The following ARHGAP32 variants were observed in gnomAD, a reference collection of about 807,000 sequenced individuals.
ARHGAP32 encodes rho GTPase-activating protein 32.
ARHGAP32 carries 51 observed loss-of-function variants against 186.5 expected under a neutral mutation model. That is an observed-to-expected ratio of 0.27 (90% CI 0.22 to 0.35). The LOEUF is 0.35. Ranked by LOEUF, ARHGAP32 falls within the 10% of genes least tolerant of loss-of-function variation. The pLI is 1.00. For missense variants in ARHGAP32, 2,186 were observed against 2,623.5 expected, an observed-to-expected ratio of 0.83 and a Z score of 3.64; for synonymous variants, 950 against 964.3, an observed-to-expected ratio of 0.99 and a Z score of 0.27.
chr11:129,241,311 T>G (rs1945014506), intron 1 of ARHGAP32, among the ~76,000 whole-genome samples: 1 of 152,158 alleles, frequency 6.6e-6, no homozygotes, highest in Non-Finnish European at 1.5e-5. Context: ...AAATAAAATT[T>G]GCATCAAGTG....
At chr11:129,132,474 G>C (rs1477460981) in intron 2 of ARHGAP32, among the ~76,000 whole-genome samples, 1 of 150,972 alleles carries the variant, frequency 6.6e-6, no homozygotes, top group African/African-American at 2.4e-5. Flanking sequence ...CAAGATCAGG[G>C]GGAGAAAAAA....
At chr11:129,067,067 A>G (rs1940718056) in intron 6 of ARHGAP32, among the ~76,000 whole-genome samples, 199 bp from the exon 7 acceptor site, 1 of 152,026 alleles carries the variant, frequency 6.6e-6, no homozygotes. Context: ...ATAATTGAAA[A>G]TAAGATAGAA....
chr11:129,256,736 A>C (rs548539646), intron 1 of ARHGAP32, among the ~76,000 whole-genome samples: 2 of 152,202 alleles, frequency 1.3e-5, no homozygotes, highest in African/African-American at 4.8e-5. Flanking sequence ...GTAAATTATC[A>C]TATCAGTTAG....
At chr11:129,222,823 T>TA (rs1457214801) in intron 1 of ARHGAP32, among the ~76,000 whole-genome samples, 1 of 152,180 alleles carries the variant, frequency 6.6e-6, no homozygotes, top group African/African-American at 2.4e-5. Context: ...ATGGGGATCT[T>TA]ACTAAAATGC....
upstream of ARHGAP32, among the ~76,000 whole-genome samples, chr11:129,193,320 GGGGGGGGCGGGA>G (rs1198931021): frequency 2.6e-4 from 4 of 15,242 alleles, no homozygotes; most frequent in African/African-American, 5.0e-4. Flanking sequence ...GGGGGGGGGG[GGGGGGGGCGGGA>G]AACAGCCAAG....
rs758327144 is a variant in ARHGAP32 at position 129,192,236 on chromosome 11, C to A, written c.-38G>T. The A allele has an allele frequency of 6.1e-6, 9 of 1,467,702 alleles. No individual in the cohort carries two copies. The highest frequency in any genetic ancestry group is 3.4e-5 in the Admixed American group (2 of 59,250). 90.9% of individuals were successfully genotyped at this position (1,467,702 alleles called of 1,614,324 possible). The stretch of plus-strand genomic sequence containing the variant: ...AAACAAAAAAAACTAAACCTCCAGG[C>A]ATGGAATAAAAAGCACCAACATTCA... On this transcript the variant is annotated 5_prime_UTR_variant, in exon 1 of 23. The change abolishes an upstream ATG in the 5' untranslated region. Transcript: ENST00000682385.
In ARHGAP32 at chr11:129,278,545, A is replaced by G. The variant is rs149860190; in HGVS notation, c.-5+601T>C. ...ATATTTGATAAAGTCAAAAAACGGG[A>G]AACCAAGGTACAGGGGTGGCGAGGA... On this transcript the variant is annotated intron_variant, in intron 1 of 6. Transcript: ENST00000525234. Among the ~76,000 whole-genome samples the G allele has an allele frequency of 1.8e-4, 28 of 152,344 alleles. 1 individual carries two copies. The highest frequency in any genetic ancestry group is 3.1e-4 in the Non-Finnish European group (21 of 68,022).
chr11:129,040,552 G>A (rs1037401635), intron 11 of ARHGAP32, among the ~76,000 whole-genome samples: 1 of 152,070 alleles, frequency 6.6e-6, no homozygotes, highest in Non-Finnish European at 1.5e-5. Flanking sequence ...ATGTTCATAT[G>A]CCCTGTTAAA....
chr11:129,047,341 T>C (rs1939853697), intron 10 of ARHGAP32, among the ~76,000 whole-genome samples: 1 of 152,180 alleles, frequency 6.6e-6, no homozygotes, highest in Non-Finnish European at 1.5e-5. Context: ...TACAACTTCC[T>C]ATCCTCTCAG....
chr11:129,095,966 A>G (rs115519143), intron 5 of ARHGAP32, among the ~76,000 whole-genome samples: 268 of 152,340 alleles, frequency 1.8e-3, no homozygotes, highest in African/African-American at 5.9e-3. Context: ...GATAAACTCA[A>G]TCAAAGTAAA....
chr11:129,092,197 T>C (rs1490387121), intron 6 of ARHGAP32, among the ~76,000 whole-genome samples: 2 of 152,022 alleles, frequency 1.3e-5, no homozygotes, highest in African/African-American at 2.4e-5. Context: ...ATACCATGCT[T>C]GCCTTCTGAA....
intron 1 of ARHGAP32, among the ~76,000 whole-genome samples, chr11:129,167,228 G>A (rs1007074897): frequency 6.6e-6 from 1 of 152,132 alleles, no homozygotes; most frequent in African/African-American, 2.4e-5. Context: ...CAGACTAGCT[G>A]GGAAAGATAC....
At chr11:129,085,919 G>A (rs187482954) in intron 6 of ARHGAP32, among the ~76,000 whole-genome samples, 70 of 151,816 alleles carry the variant, frequency 4.6e-4, no homozygotes, top group African/African-American at 1.5e-3. Context: ...GCGTGAACCC[G>A]GGAGGCAGAG....
At position 129,120,157 on chromosome 11, in the gene ARHGAP32, A is replaced by G. The variant is rs949941040; in HGVS notation, c.444+3289T>C. 5.9e-5 allele frequency among the ~76,000 whole-genome samples: 9 copies of G among 152,106 alleles called. No individual in the cohort carries two copies. The East Asian group carries it at 1.7e-3, about 29-fold the overall frequency. On this transcript the variant is annotated intron_variant, in intron 5 of 22. Coordinates refer to ENST00000682385, the MANE Select transcript of ARHGAP32 (RefSeq NM_001378024.1). Reference sequence around the variant, plus strand: ...AGCAGAGAAGCAGGTGGGCATGGTTAGATCCTGGATTTATTTTAAAGATGG... The same window carrying G: ...AGCAGAGAAGCAGGTGGGCATGGTTGGATCCTGGATTTATTTTAAAGATGG...
chr11:129,086,948 T>A (rs573746501), intron 6 of ARHGAP32, among the ~76,000 whole-genome samples: 18 of 151,762 alleles, frequency 1.2e-4, no homozygotes, highest in African/African-American at 3.9e-4. Context: ...TGAACAGACA[T>A]CTCACCAAAG....
intron 6 of ARHGAP32, among the ~76,000 whole-genome samples, chr11:129,090,308 A>T (rs1941537151): frequency 6.6e-6 from 1 of 152,186 alleles, no homozygotes; most frequent in South Asian, 2.1e-4. Flanking sequence ...AGAGCACAGG[A>T]GATATTCTGA....
chr11:129,095,225 ATGAGAC>A (rs1412115600), intron 5 of ARHGAP32, among the ~76,000 whole-genome samples: 4 of 152,232 alleles, frequency 2.6e-5, no homozygotes, highest in Non-Finnish European at 5.9e-5. Context: ...CAACACTTTC[ATGAGAC>A]AGAAGTGACT....
At chr11:129,076,361 T>C (rs557691170) in intron 6 of ARHGAP32, among the ~76,000 whole-genome samples, 3 of 152,234 alleles carry the variant, frequency 2.0e-5, no homozygotes, top group Non-Finnish European at 4.4e-5. Flanking sequence ...TTTCACGTTA[T>C]GGGCTCTCCC....
intron 11 of ARHGAP32, among the ~76,000 whole-genome samples, chr11:129,002,246 T>C (rs1946379574): frequency 6.6e-6 from 1 of 152,166 alleles, no homozygotes; most frequent in Admixed American, 6.5e-5. Context: ...TACCTTTCCA[T>C]TTATTTGTGT....
Sources: allele counts gnomAD v4.1 joint callset (sites outside exome capture counted in the v4.1 genomes callset), GRCh38; gene constraint gnomAD v4.1.1; transcripts MANE v1.5; gene names NCBI Gene and HGNC (gene_info 2026-07-23, HGNC 2026-07-21).